The following GPC6 variants were observed in gnomAD, a reference collection of about 807,000 sequenced individuals.
GPC6 encodes glypican-6.
In GPC6, 14 loss-of-function variants were observed where a neutral mutation model predicts 55.2. The observed-to-expected ratio is 0.25, with a 90% CI of 0.17 to 0.40. The LOEUF is 0.40. GPC6 is among the 10% of genes least tolerant of loss of function. The pLI is 1.00. For synonymous variants in GPC6, 278 were observed against 259.6 expected (o/e 1.07, Z -0.68); for missense variants, 641 against 708.5 (o/e 0.90, Z 1.08).
At chr13:93,398,603 G>A (rs550737354) in intron 1 of GPC6, among the ~76,000 whole-genome samples, 30 of 152,060 alleles carry the variant, frequency 2.0e-4, no homozygotes, top group Non-Finnish European at 2.2e-4. Flanking sequence ...TTATATTAGG[G>A]TATGGCATGT....
At chr13:93,884,520 T>C (rs1299562016) in intron 3 of GPC6, among the ~76,000 whole-genome samples, 2 of 152,156 alleles carry the variant, frequency 1.3e-5, no homozygotes, top group African/African-American at 4.8e-5. Flanking sequence ...CTGAAGATTT[T>C]GCATTCAAAG....
intron 6 of GPC6, among the ~76,000 whole-genome samples, chr13:94,382,198 A>T (rs1017988668): frequency 6.6e-6 from 1 of 152,296 alleles, no homozygotes; most frequent in South Asian, 2.1e-4. Flanking sequence ...AAAGCCAATT[A>T]CCTGAGAACT....
chr13:94,274,611 T>C (rs1290211680), intron 4 of GPC6, among the ~76,000 whole-genome samples: 1 of 152,162 alleles, frequency 6.6e-6, no homozygotes, highest in Non-Finnish European at 1.5e-5. Context: ...AATTTGATGT[T>C]TACTGAATGT....
intron 1 of GPC6, among the ~76,000 whole-genome samples, chr13:93,520,764 T>C (rs1459731089): frequency 6.6e-6 from 1 of 151,868 alleles, no homozygotes; most frequent in African/African-American, 2.4e-5. Flanking sequence ...GGACAAACTA[T>C]ACAGGCATGG....
chr13:94,099,333 A>G (rs1360888424), intron 4 of GPC6, among the ~76,000 whole-genome samples: 1 of 152,144 alleles, frequency 6.6e-6, no homozygotes, highest in East Asian at 1.9e-4. Flanking sequence ...TGTACATTAT[A>G]TGTTCCCTTC....
chr13:94,010,000 G>A lies in GPC6; in HGVS notation c.712-17729G>A, dbSNP rs143546782. Among the ~76,000 whole-genome samples, 565 of 152,218 alleles carry A rather than the reference G, an allele frequency of 3.7e-3. 9 individuals carry two copies. Among genetic ancestry groups the A allele is most frequent in the Admixed American group, 0.031 (474 of 15,270 alleles). On this transcript the variant is annotated intron_variant, in intron 3 of 8. Coordinates refer to ENST00000377047, the MANE Select transcript of GPC6 (RefSeq NM_005708.5). ...AAGCTCTATAGATTATAGTCTCCTC[G>A]ATTCATTTTCCCTGTAGCACAGTAA...
intron 2 of GPC6, among the ~76,000 whole-genome samples, chr13:93,588,103 C>CTA (rs1268406363): frequency 6.6e-6 from 1 of 152,214 alleles, no homozygotes; most frequent in Non-Finnish European, 1.5e-5. Flanking sequence ...GAGTCTCCAA[C>CTA]TACAGCCTAG....
chr13:93,781,886 T>C (rs1408789214), intron 2 of GPC6, among the ~76,000 whole-genome samples: 1 of 152,182 alleles, frequency 6.6e-6, no homozygotes, highest in East Asian at 1.9e-4. Flanking sequence ...ATGTATACAT[T>C]GGAGGTGGCT....
intron 3 of GPC6, among the ~76,000 whole-genome samples, chr13:93,957,748 A>G (rs1047334594): frequency 8.5e-5 from 13 of 152,200 alleles, no homozygotes; most frequent in South Asian, 4.1e-4. Context: ...CAGTCATGAA[A>G]TTGGTATGTC....
intron 1 of GPC6, among the ~76,000 whole-genome samples, chr13:93,538,142 G>GA (rs966742943): frequency 5.9e-4 from 88 of 149,060 alleles, no homozygotes; most frequent in African/African-American, 4.9e-4. Flanking sequence ...GGTTTATGTG[G>GA]AAAAAAAAAA....
chr13:94,322,509 A>G (rs1275056564), intron 6 of GPC6, among the ~76,000 whole-genome samples: 1 of 152,086 alleles, frequency 6.6e-6, no homozygotes, highest in Non-Finnish European at 1.5e-5. Flanking sequence ...TACTTAATCA[A>G]TTGCTATTGT....
chr13:93,739,206 A>G (rs1884113276), intron 2 of GPC6, among the ~76,000 whole-genome samples: 1 of 152,038 alleles, frequency 6.6e-6, no homozygotes, highest in African/African-American at 2.4e-5. Flanking sequence ...ATCTCCCACA[A>G]TGGACTTTCC....
At chr13:94,183,582 G>C (rs1889070408) in intron 4 of GPC6, among the ~76,000 whole-genome samples, 1 of 152,136 alleles carries the variant, frequency 6.6e-6, no homozygotes, top group Non-Finnish European at 1.5e-5. Context: ...ACATACCTAG[G>C]AGTGAAATTG....
intron 4 of GPC6, among the ~76,000 whole-genome samples, chr13:94,195,845 C>T (rs996388184): frequency 1.3e-5 from 2 of 152,266 alleles, no homozygotes; most frequent in Non-Finnish European, 2.9e-5. Flanking sequence ...CTGTAGTTTA[C>T]GGGTGACTAA....
At chr13:93,223,018 A>ATTTTTT (rs1875661668), upstream of GPC6, among the ~76,000 whole-genome samples, 48 of 48,232 alleles carry the variant, frequency 1.0e-3, no homozygotes, top group African/African-American at 3.2e-3. Flanking sequence ...CAGGGAAAAC[A>ATTTTTT]CTTTTTTTTT....
At chr13:93,217,117 G>A in the GPC6 span, among the ~76,000 whole-genome samples, 7 of 152,138 alleles carry the variant, frequency 4.6e-5, no homozygotes, top group Non-Finnish European at 8.8e-5. Context: ...TCAATGTTGT[G>A]AGGCCCTATA....
At chr13:94,274,024 T>C (rs1003158040) in intron 4 of GPC6, among the ~76,000 whole-genome samples, 1 of 152,246 alleles carries the variant, frequency 6.6e-6, no homozygotes, top group African/African-American at 2.4e-5. Context: ...TCTTCCTGGC[T>C]TATGATGTAA....
chr13:93,574,438 C>A (rs1271700778), intron 2 of GPC6, among the ~76,000 whole-genome samples: 1 of 152,074 alleles, frequency 6.6e-6, no homozygotes, highest in Admixed American at 6.6e-5. Context: ...AAGGATTATT[C>A]TTTACATATT....
At chr13:94,290,445 A>G (rs1033209194) in intron 5 of GPC6, among the ~76,000 whole-genome samples, 16 of 150,326 alleles carry the variant, frequency 1.1e-4, no homozygotes, top group African/African-American at 1.5e-4. Flanking sequence ...AAAAAAAAAA[A>G]AAAAGAAAAA....
Sources: allele counts gnomAD v4.1 joint callset (sites outside exome capture counted in the v4.1 genomes callset), GRCh38; gene constraint gnomAD v4.1.1; transcripts MANE v1.5; gene names NCBI Gene and HGNC (gene_info 2026-07-23, HGNC 2026-07-21).